The following PDLIM5 variants were observed in gnomAD, a reference collection of about 807,000 sequenced individuals.
PDLIM5 encodes PDZ and LIM domain protein 5.
In PDLIM5, 34 loss-of-function variants were observed where a neutral mutation model predicts 64.2. That is an observed-to-expected ratio of 0.53 (90% CI 0.40 to 0.71). The LOEUF is 0.71. Ranked by LOEUF, PDLIM5 falls within the 30% of genes least tolerant of loss-of-function variation. PDLIM5 has a pLI of 0.00. For missense variants in PDLIM5, 683 were observed against 733.6 expected (o/e 0.93, Z 0.80); for synonymous variants, 253 against 269.1 (o/e 0.94, Z 0.59).
chr4:94,607,810 G>C (rs1445135502), intron 7 of PDLIM5, among the ~76,000 whole-genome samples: 1 of 152,076 alleles, frequency 6.6e-6, no homozygotes, highest in Non-Finnish European at 1.5e-5. Context: ...CTTTTCCCCT[G>C]TAAGCGTAAT....
intron 3 of PDLIM5, among the ~76,000 whole-genome samples, chr4:94,525,062 A>G (rs1166109944): frequency 6.6e-6 from 1 of 152,196 alleles, no homozygotes; most frequent in South Asian, 2.1e-4. Context: ...AATCTCTTCC[A>G]TAATTATATT....
intron 3 of PDLIM5, among the ~76,000 whole-genome samples, chr4:94,567,245 G>T (rs4590045): frequency 6.6e-6 from 1 of 151,958 alleles, no homozygotes; most frequent in Non-Finnish European, 1.5e-5. Flanking sequence ...TGCCCACCTT[G>T]GCCTCCCAAC....
At chr4:94,645,684 C>A (rs1469793040) in intron 9 of PDLIM5, among the ~76,000 whole-genome samples, 2 of 152,082 alleles carry the variant, frequency 1.3e-5, no homozygotes, top group East Asian at 1.9e-4. Context: ...GAGAACTATA[C>A]CCCAAAATTA....
chr4:94,663,479 C>T (rs1267607325), intron 12 of PDLIM5, among the ~76,000 whole-genome samples: 1 of 151,944 alleles, frequency 6.6e-6, no homozygotes. Context: ...TTATAAGAAA[C>T]AAACAAAAGA....
intron 12 of PDLIM5, among the ~76,000 whole-genome samples, chr4:94,663,723 A>G (rs1578570853): frequency 1.3e-5 from 2 of 152,352 alleles, no homozygotes; most frequent in East Asian, 3.9e-4. Flanking sequence ...CCCTCTGGAT[A>G]AAGAAAAGTG....
chr4:94,587,961 G>C (rs923452232), intron 7 of PDLIM5: 3 of 981,802 alleles, frequency 3.1e-6, no homozygotes, highest in Non-Finnish European at 3.6e-6. Flanking sequence ...ACTGTGCACT[G>C]CTGCTATTCC....
intron 3 of PDLIM5, among the ~76,000 whole-genome samples, chr4:94,541,190 C>T (rs1198035802): frequency 6.6e-6 from 1 of 152,174 alleles, no homozygotes. Flanking sequence ...TATCTCCTAA[C>T]ATACACCACT....
chr4:94,648,770 G>A (rs543133619), intron 9 of PDLIM5, among the ~76,000 whole-genome samples: 38 of 152,264 alleles, frequency 2.5e-4, no homozygotes, highest in Admixed American at 6.5e-4. Context: ...TTGCAGCTCT[G>A]GGACTGACGT....
In PDLIM5 at chr4:94,619,872, C is replaced by T. The variant is rs1480945611; in HGVS notation, c.1108+1681C>T. ...TCCTGAGCTTAAGCGATCCTCCCAC[C>T]TTGTCTTCCCAAAGCATTGGGATTA... is the stretch of plus-strand genomic sequence containing the variant. On this transcript the variant is annotated intron_variant, in intron 8 of 12. Coordinates refer to ENST00000317968, the MANE Select transcript of PDLIM5 (RefSeq NM_006457.5). 3.3e-5 allele frequency among the ~76,000 whole-genome samples: 5 copies of T among 152,282 alleles called. No individual in the cohort carries two copies. The South Asian group carries it at 8.3e-4, about 25-fold the overall frequency.
At position 94,517,461 on chromosome 4, in the gene PDLIM5, A is replaced by G. The variant is rs193237110; in HGVS notation, c.97-6263A>G. Among the ~76,000 whole-genome samples, 170 of 152,338 alleles carry G rather than the reference A, an allele frequency of 1.1e-3. 1 individual carries two copies. The highest frequency in any genetic ancestry group is 6.8e-3 in the Middle Eastern group (2 of 294). ...TGCTCATTAATTAGATTTTAAGAAAAATAACACTTTCTCAGTGCTTTTTCT... is the reference window on the plus strand; with the variant it reads ...TGCTCATTAATTAGATTTTAAGAAAGATAACACTTTCTCAGTGCTTTTTCT... On this transcript the variant is annotated intron_variant, in intron 2 of 12. Coordinates refer to ENST00000317968, the MANE Select transcript of PDLIM5 (RefSeq NM_006457.5).
intron 8 of PDLIM5, among the ~76,000 whole-genome samples, chr4:94,633,656 T>C (rs1269371440): frequency 6.6e-6 from 1 of 152,162 alleles, no homozygotes; most frequent in Non-Finnish European, 1.5e-5. Flanking sequence ...CTGAGCAATA[T>C]GCCAGGGACT....
At chr4:94,612,621 T>C (rs1738468601) in intron 7 of PDLIM5, among the ~76,000 whole-genome samples, 1 of 152,176 alleles carries the variant, frequency 6.6e-6, no homozygotes, top group African/African-American at 2.4e-5. Context: ...GTATTAGTAG[T>C]CATCACCATT....
In PDLIM5 at chr4:94,665,087, C is replaced by T. The variant is rs1743006006; in HGVS notation, c.*1020C>T. 1.0e-6 allele frequency: 1 copy of T among 963,112 alleles called. No individual in the cohort carries two copies. Among genetic ancestry groups the T allele is most frequent in the African/African-American group, 1.8e-5 (1 of 56,204 alleles). The allele number at this position is 963,112 out of a possible 1,614,324, so 59.7% of individuals were successfully genotyped here. A position where few individuals can be genotyped will look rare whatever the true frequency, so the allele number is the denominator to read the frequency against. On this transcript the variant is annotated 3_prime_UTR_variant, in exon 13 of 13. Transcript: ENST00000317968. The stretch of plus-strand genomic sequence containing the variant: ...TGATTGTTTCTATTCATTGTGTATG[C>T]TTCATCACCTATATTAGGCAAATTC...
At position 94,493,488 on chromosome 4, in the gene PDLIM5, A is replaced by C. The variant is rs111603997; in HGVS notation, c.97-30236A>C. Among the ~76,000 whole-genome samples, 499 of 152,022 alleles carry C rather than the reference A, an allele frequency of 3.3e-3. 1 individual carries two copies. Among genetic ancestry groups the C allele is most frequent in the African/African-American group, 0.011 (467 of 41,486 alleles). On this transcript the variant is annotated intron_variant, in intron 2 of 12. Coordinates refer to ENST00000317968, the MANE Select transcript of PDLIM5 (RefSeq NM_006457.5). ...ACCATGCTTGGATAAATTTTTAAAA[A>C]TTTTTTTGGTAGTGACGGAGTTTCA...
rs1430233909 is a variant in PDLIM5, at chr4:94,666,213, C to T, written c.*2146C>T. On this transcript the variant is annotated 3_prime_UTR_variant, in exon 13 of 13. Coordinates refer to ENST00000317968, the MANE Select transcript of PDLIM5 (RefSeq NM_006457.5). The stretch of plus-strand genomic sequence containing the variant: ...AATATTTGTTTAACCTCCCTAAGAA[C>T]TTTCAAGGCATCTGTCCTGAAAGCT... 2 of 516,000 alleles carry T rather than the reference C, an allele frequency of 3.9e-6. No individual in the cohort carries two copies. Among genetic ancestry groups the T allele is most frequent in the East Asian group, 6.2e-5 (2 of 32,076 alleles). The allele number at this position is 516,000 out of a possible 1,614,324, so 32.0% of individuals were successfully genotyped here.
intron 2 of PDLIM5, among the ~76,000 whole-genome samples, chr4:94,519,407 A>C (rs985148051): frequency 1.3e-5 from 2 of 152,138 alleles, no homozygotes; most frequent in Admixed American, 1.3e-4. Flanking sequence ...TATAGTCCTC[A>C]TTTTCAAAGA....
chr4:94,463,819 G>A (rs1047204095), intron 2 of PDLIM5, among the ~76,000 whole-genome samples: 4 of 152,178 alleles, frequency 2.6e-5, no homozygotes, highest in East Asian at 1.9e-4. Context: ...ACTATGGTCC[G>A]AGGAATGGCA....
intron 7 of PDLIM5, among the ~76,000 whole-genome samples, chr4:94,610,671 G>A (rs555820375): frequency 7.9e-4 from 120 of 152,048 alleles, no homozygotes; most frequent in African/African-American, 2.7e-3. Flanking sequence ...CTTCTCCCAC[G>A]ACCTTTAAAG....
At chr4:94,639,430 G>T (rs571217023) in intron 8 of PDLIM5, among the ~76,000 whole-genome samples, 3 of 152,172 alleles carry the variant, frequency 2.0e-5, no homozygotes, top group Non-Finnish European at 2.9e-5. Flanking sequence ...GGTTGGTGAC[G>T]TTGAGGATCT....
Sources: gnomAD v4.1 joint callset for allele counts (sites outside exome capture counted in the v4.1 genomes callset) on GRCh38, gnomAD v4.1.1 for gene constraint, MANE v1.5 for transcripts, NCBI Gene and HGNC (gene_info 2026-07-23, HGNC 2026-07-21) for gene names.